Variants in SAMMSON observed in about 807,000 individuals in gnomAD.
SAMMSON encodes the protein long intergenic non-protein coding RNA 1212.
At position 70,039,551 on chromosome 3, in the gene SAMMSON, A is replaced by G. The variant is rs534158135; in HGVS notation, n.417+25879A>G. ...TGAAGATTTAGTCTTGCCAGTCTCC[A>G]TAATTGCAATCGTGTGATCCAATTC... is the stretch of plus-strand genomic sequence containing the variant. On this transcript the variant is annotated intron_variant and non_coding_transcript_variant, in intron 3 of 9. Transcript: ENST00000642114. 7.9e-4 allele frequency among the ~76,000 whole-genome samples: 120 copies of G among 151,084 alleles called. 1 individual carries two copies. In the Middle Eastern group the frequency reaches 0.01, roughly 13 times the overall value.
chr3:70,027,319 C>A (rs1187081317), intron 3 of SAMMSON, among the ~76,000 whole-genome samples: 1 of 152,160 alleles, frequency 6.6e-6, no homozygotes, highest in Non-Finnish European at 1.5e-5. Flanking sequence ...AATTGTGACT[C>A]AATTTTTGTT....
At chr3:70,194,035 A>G (rs1014068767) in intron 4 of SAMMSON, among the ~76,000 whole-genome samples, 6 of 152,238 alleles carry the variant, frequency 3.9e-5, no homozygotes, top group African/African-American at 1.4e-4. Flanking sequence ...TGTAGTGGGA[A>G]AATTTCATTA....
chr3:70,297,619 C>T (rs1575619402), intron 7 of SAMMSON, among the ~76,000 whole-genome samples: 2 of 152,042 alleles, frequency 1.3e-5, no homozygotes, highest in South Asian at 4.1e-4. Context: ...TAAATTCTTC[C>T]TTCAAGGATG....
intron 7 of SAMMSON, among the ~76,000 whole-genome samples, chr3:70,321,814 G>A (rs1533815): frequency 0.64 from 97,319 of 151,348 alleles, 31,646 homozygotes; most frequent in Middle Eastern, 0.71. Flanking sequence ...CTCTAAAGGG[G>A]AAAAAAATGA....
At chr3:70,117,039 T>C (rs955200164) in intron 4 of SAMMSON, among the ~76,000 whole-genome samples, 10 of 152,308 alleles carry the variant, frequency 6.6e-5, no homozygotes, top group Non-Finnish European at 1.0e-4. Flanking sequence ...AAAACCTTAA[T>C]TGCTTTCTTG....
intron 7 of SAMMSON, among the ~76,000 whole-genome samples, chr3:70,295,430 A>G (rs1702280340): frequency 6.6e-6 from 1 of 152,168 alleles, no homozygotes; most frequent in Non-Finnish European, 1.5e-5. Flanking sequence ...AAGCCCAGAC[A>G]TGGTGGCTTA....
chr3:70,089,461 T>C lies in SAMMSON; in HGVS notation n.507+17896T>C, dbSNP rs909704408. ...TTATTCAGCTTGGACGTAATGAATT[T>C]AGGATTCAAACTCAGAAAGCCTGTT... is the stretch of plus-strand genomic sequence containing the variant. On this transcript the variant is annotated intron_variant and non_coding_transcript_variant, in intron 4 of 9. Coordinates refer to ENST00000642114, the Ensembl canonical transcript of SAMMSON. 8.8e-5 allele frequency among the ~76,000 whole-genome samples: 13 copies of C among 147,938 alleles called. No homozygotes were observed. In the Admixed American group the frequency reaches 9.2e-4, roughly 10 times the overall value.
chr3:70,324,039 T>C (rs1702557895), intron 7 of SAMMSON, among the ~76,000 whole-genome samples: 1 of 152,032 alleles, frequency 6.6e-6, no homozygotes, highest in Non-Finnish European at 1.5e-5. Flanking sequence ...ACCCCCTTCT[T>C]TGGCAGCTTG....
chr3:70,174,043 A>T (rs1425676504), intron 4 of SAMMSON, among the ~76,000 whole-genome samples: 6 of 151,858 alleles, frequency 4.0e-5, no homozygotes, highest in Admixed American at 2.6e-4. Flanking sequence ...CCTAAATTAC[A>T]TCCTCCCTTT....
At chr3:70,365,522 A>C (rs1421058258) in intron 9 of SAMMSON, among the ~76,000 whole-genome samples, 3 of 151,744 alleles carry the variant, frequency 2.0e-5, no homozygotes. Flanking sequence ...CCCATTTCTT[A>C]TCTGTAAACT....
At chr3:70,154,935 A>G (rs943153678) in intron 4 of SAMMSON, among the ~76,000 whole-genome samples, 1 of 151,962 alleles carries the variant, frequency 6.6e-6, no homozygotes, top group East Asian at 1.9e-4. Context: ...GGTTCATGAC[A>G]TGAAACAGAA....
At chr3:70,424,358 G>A (rs1013270614) in intron 2 of SAMMSON, among the ~76,000 whole-genome samples, 1 of 152,100 alleles carries the variant, frequency 6.6e-6, no homozygotes, top group Non-Finnish European at 1.5e-5. Flanking sequence ...GAACTCTGGT[G>A]TTCTATAGAG....
intron 4 of SAMMSON, among the ~76,000 whole-genome samples, chr3:70,223,374 CTGAGA>C (rs1701476975): frequency 6.6e-6 from 1 of 152,280 alleles, no homozygotes; most frequent in Non-Finnish European, 1.5e-5. Flanking sequence ...TAAAAATCAA[CTGAGA>C]TGAGTGCAGA....
intron 4 of SAMMSON, chr3:70,205,314 C>T (rs1357951990): frequency 2.6e-5 from 4 of 152,020 alleles, no homozygotes; most frequent in Admixed American, 6.6e-5. Flanking sequence ...TGCCATAGTC[C>T]TCACCAATCC....
chr3:70,290,688 A>T (rs1033433568), intron 6 of SAMMSON, among the ~76,000 whole-genome samples: 2 of 151,784 alleles, frequency 1.3e-5, no homozygotes, highest in African/African-American at 4.8e-5. Flanking sequence ...TTGATCTCAG[A>T]CTGCTGTGCT....
intron 7 of SAMMSON, among the ~76,000 whole-genome samples, chr3:70,339,376 T>G (rs550552722): frequency 6.6e-6 from 1 of 152,112 alleles, no homozygotes; most frequent in Non-Finnish European, 1.5e-5. Flanking sequence ...CCAAAAGCAA[T>G]GGCAACAAAA....
exon 4 of SAMMSON, chr3:70,071,544 A>G (rs1035611312): frequency 6.6e-6 from 1 of 152,032 alleles, no homozygotes; most frequent in East Asian, 1.9e-4. Flanking sequence ...TGTGATAAAG[A>G]GAAACATCTA....
intron 7 of SAMMSON, among the ~76,000 whole-genome samples, chr3:70,343,279 C>G (rs1575629775): frequency 1.3e-5 from 2 of 151,954 alleles, no homozygotes; most frequent in South Asian, 4.2e-4. Flanking sequence ...ATATTTTATT[C>G]ATTTTTTTAG....
intron 4 of SAMMSON, among the ~76,000 whole-genome samples, chr3:70,242,997 A>G (rs1053702480): frequency 1.3e-5 from 2 of 152,240 alleles, no homozygotes; most frequent in African/African-American, 4.8e-5. Flanking sequence ...TCCCAAGAGC[A>G]GAACGATATA....
Sources: allele counts gnomAD v4.1 joint callset (sites outside exome capture counted in the v4.1 genomes callset), GRCh38; gene constraint gnomAD v4.1.1; transcripts MANE v1.5; gene names NCBI Gene and HGNC (gene_info 2026-07-23, HGNC 2026-07-21).